ZCCHC14: variants seen among roughly 807,000 people sequenced by gnomAD.
The protein encoded by ZCCHC14 is zinc finger CCHC-type containing 14.
A neutral mutation model predicts 85.0 loss-of-function variants in ZCCHC14; 16 were observed. The ratio of observed to expected loss-of-function variants is 0.19; its 90% CI spans 0.13 to 0.29. The LOEUF is 0.29. Ranked by LOEUF, ZCCHC14 falls within the 10% of genes least tolerant of loss-of-function variation. ZCCHC14 has a pLI of 1.00. For synonymous variants in ZCCHC14, 775 were observed against 630.7 expected (o/e 1.23, Z -3.43); for missense variants, 1,303 against 1,443.5 (o/e 0.90, Z 1.58).
chr16:87,476,711 G>A (rs1289420435), intron 1 of ZCCHC14, among the ~76,000 whole-genome samples: 4 of 122,854 alleles, frequency 3.3e-5, no homozygotes, highest in Admixed American at 2.2e-4. Context: ...AGAACAGAGG[G>A]AGAAAGAGTT....
At chr16:87,459,075 C>T (rs1911122358) in intron 2 of ZCCHC14, among the ~76,000 whole-genome samples, 1 of 152,248 alleles carries the variant, frequency 6.6e-6, no homozygotes, top group South Asian at 2.1e-4. Context: ...ACGGCAGAGG[C>T]TGGCGTGCAG....
intron 3 of ZCCHC14, among the ~76,000 whole-genome samples, chr16:87,426,403 C>G (rs190047306): frequency 1.2e-3 from 188 of 152,354 alleles, no homozygotes; most frequent in Admixed American, 2.8e-3. Flanking sequence ...GGCACAGCAT[C>G]TTCTATCACG....
chr16:87,406,787 T>C lies in ZCCHC14; in HGVS notation c.*3493A>G, dbSNP rs1020114877. 6.6e-6 allele frequency: 1 copy of C among 152,234 alleles called. No individual in the cohort carries two copies. Among genetic ancestry groups the C allele is most frequent in the African/African-American group, 2.4e-5 (1 of 41,458 alleles). The allele number at this position is 152,234 out of a possible 1,614,324, so 9.4% of individuals were successfully genotyped here. ...ATTAAAGATGCTTTCATTCAGACCC[T>C]TGGGACTTTTCAACAAATTCGCCTC... is the stretch of plus-strand genomic sequence containing the variant. On this transcript the variant is annotated 3_prime_UTR_variant, in exon 13 of 13. Transcript: ENST00000671377.
chr16:87,407,145 C>G lies in ZCCHC14; in HGVS notation c.*3135G>C, dbSNP rs768109992. On this transcript the variant is annotated 3_prime_UTR_variant, in exon 13 of 13. Coordinates refer to ENST00000671377, the MANE Select transcript of ZCCHC14 (RefSeq NM_015144.3). ...GGGTGATGTTTAGGCAAAGTCACTACCCCGCCCCACTACTGTGCCCCAAGA... is the reference window on the plus strand; with the variant it reads ...GGGTGATGTTTAGGCAAAGTCACTAGCCCGCCCCACTACTGTGCCCCAAGA... The G allele has an allele frequency of 1.4e-4, 21 of 152,286 alleles. No individual in the cohort carries two copies. Among genetic ancestry groups the G allele is most frequent in the Non-Finnish European group, 2.8e-4 (19 of 68,102 alleles). 9.4% of individuals were successfully genotyped at this position (152,286 alleles called of 1,614,324 possible).
intron 1 of ZCCHC14, among the ~76,000 whole-genome samples, chr16:87,461,159 CACA>C (rs1384267385): frequency 1.3e-5 from 2 of 152,210 alleles, no homozygotes; most frequent in Non-Finnish European, 2.9e-5. Flanking sequence ...GCTCCCAACA[CACA>C]ACAAGCGCAG....
intron 10 of ZCCHC14, 98 bp from the exon 11 acceptor site, chr16:87,413,293 C>G: frequency 1.4e-6 from 2 of 1,414,526 alleles, no homozygotes; most frequent in Non-Finnish European, 1.9e-6. Flanking sequence ...GTGCTCCTTC[C>G]AGGGAAACGC....
intron 1 of ZCCHC14, among the ~76,000 whole-genome samples, chr16:87,466,348 C>T (rs1165163810): frequency 3.9e-5 from 6 of 152,178 alleles, no homozygotes; most frequent in Non-Finnish European, 5.9e-5. Context: ...GGAAGCACAG[C>T]CCCCCAACAC....
intron 1 of ZCCHC14, chr16:87,471,763 T>G (rs995991166): frequency 6.6e-6 from 1 of 152,248 alleles, no homozygotes; most frequent in Non-Finnish European, 1.5e-5. Context: ...CTAGGGAGGC[T>G]AAAGACATAC....
intron 2 of ZCCHC14, among the ~76,000 whole-genome samples, chr16:87,446,488 A>G (rs2150748246): frequency 6.6e-6 from 1 of 151,980 alleles, no homozygotes; most frequent in African/African-American, 2.4e-5. Flanking sequence ...CATCTCAAAA[A>G]AAAAAAAAAA....
intron 8 of ZCCHC14, among the ~76,000 whole-genome samples, chr16:87,415,815 G>C (rs925098640): frequency 6.6e-6 from 1 of 152,184 alleles, no homozygotes; most frequent in Non-Finnish European, 1.5e-5. Flanking sequence ...CCCTCCCCAG[G>C]ACGGCCCCAT....
At chr16:87,417,291 C>A (rs1461236744) in intron 8 of ZCCHC14, among the ~76,000 whole-genome samples, 169 bp downstream of exon 8, 2 of 152,214 alleles carry the variant, frequency 1.3e-5, no homozygotes, top group Non-Finnish European at 2.9e-5. Context: ...TGGCTGGCTG[C>A]AGCTGCAGGC....
rs1357278670 is a variant in ZCCHC14 at position 87,407,661 on chromosome 16, G to C, written c.*2619C>G. The C allele has an allele frequency of 6.6e-6, 1 of 152,174 alleles. No individual in the cohort carries two copies. The highest frequency in any genetic ancestry group is 1.5e-5 in the Non-Finnish European group (1 of 68,022). 9.4% of individuals were successfully genotyped at this position (152,174 alleles called of 1,614,324 possible). A position where few individuals can be genotyped will look rare whatever the true frequency, so the allele number is the denominator to read the frequency against. On this transcript the variant is annotated 3_prime_UTR_variant, in exon 13 of 13. Transcript: ENST00000671377. ...ACAAAGGGCAAAGACGTGGCACATG[G>C]CCAGTGCCACACCTACCTGGTTGCC...
intron 2 of ZCCHC14, among the ~76,000 whole-genome samples, chr16:87,459,395 A>C (rs1911143477): frequency 6.6e-6 from 1 of 150,700 alleles, no homozygotes; most frequent in Non-Finnish European, 1.5e-5. Flanking sequence ...CCCAGACTGG[A>C]GGGCAGTGGC....
chr16:87,415,199 A>C, intron 9 of ZCCHC14, 77 bp downstream of exon 9: 1 of 1,265,694 alleles, frequency 7.9e-7, no homozygotes. Flanking sequence ...AGTATTTAGC[A>C]CTGGAAGCCT....
At chr16:87,468,476 AGT>A (rs896907027) in intron 1 of ZCCHC14, among the ~76,000 whole-genome samples, 1 of 149,940 alleles carries the variant, frequency 6.7e-6, no homozygotes, top group African/African-American at 2.4e-5. Context: ...AAAAAAAAAA[AGT>A]GGTCCTCCAC....
In ZCCHC14 at chr16:87,412,194, T is replaced by C. The variant is rs199869225; in HGVS notation, c.2527A>G (p.Thr843Ala). Residue 843 changes from threonine to alanine, a missense_variant, in exon 12 of 13, where the codon ACT (threonine) becomes GCT (alanine). Around this residue, in one of 7 missense-constraint regions of ZCCHC14, gnomAD observed 797 missense variants for 730.8 expected, o/e 1.09. Transcript: ENST00000671377. ...LQGGFCANSN[T>A]ASPSSHPSTS... is the part of the protein sequence containing the mutation. ...GAGGGGTGGCTGCTGGGAGAGGCAG[T>C]GTTGCTGTTTGCACAGAAGCCACCC... 6.2e-7 allele frequency: 1 copy of C among 1,613,858 alleles called. No individual in the cohort carries two copies. The highest frequency in any genetic ancestry group is 1.7e-5 in the Admixed American group (1 of 60,006).
In ZCCHC14 at chr16:87,491,322, C is replaced by G. The variant is rs192819725; in HGVS notation, c.570+347G>C. Among the ~76,000 whole-genome samples, 313 of 152,274 alleles carry G rather than the reference C, an allele frequency of 2.1e-3. 1 individual carries two copies. Among genetic ancestry groups the G allele is most frequent in the Non-Finnish European group, 2.4e-4 (16 of 68,030 alleles). Reference sequence around the variant, plus strand: ...GGGGACTGAGGGTGTGGGCTCAGGGCCGCGGTGCGGTCTTGGGGCTTAAAG... The same window carrying G: ...GGGGACTGAGGGTGTGGGCTCAGGGGCGCGGTGCGGTCTTGGGGCTTAAAG... On this transcript the variant is annotated intron_variant, in intron 1 of 12. Coordinates refer to ENST00000671377, the MANE Select transcript of ZCCHC14 (RefSeq NM_015144.3). This position sits in a 1 kb window ranked among gnomAD's most constrained non-coding sequence, Gnocchi z 5.9.
At chr16:87,424,237 C>T (rs1909251497) in intron 3 of ZCCHC14, among the ~76,000 whole-genome samples, 1 of 152,180 alleles carries the variant, frequency 6.6e-6, no homozygotes, top group African/African-American at 2.4e-5. Flanking sequence ...GCCTATGTGC[C>T]TCAGATGCAA....
In ZCCHC14 at chr16:87,477,206, A is replaced by G. The variant is rs569418443; in HGVS notation, c.570+14463T>C. Among the ~76,000 whole-genome samples, 439 of 152,068 alleles carry G rather than the reference A, an allele frequency of 2.9e-3. 4 individuals carry two copies. Among genetic ancestry groups the G allele is most frequent in the Non-Finnish European group, 4.0e-3 (273 of 67,988 alleles). On this transcript the variant is annotated intron_variant, in intron 1 of 12. Coordinates refer to ENST00000671377, the MANE Select transcript of ZCCHC14 (RefSeq NM_015144.3). ...CAGATGACACACTTAAAATATGTGC[A>G]TTTCACTAAATGTAGGTTTTACCTT...
Sources: allele counts gnomAD v4.1 joint callset (sites outside exome capture counted in the v4.1 genomes callset), GRCh38; gene constraint gnomAD v4.1.1; regional missense constraint gnomAD v4.1.1; non-coding constraint Gnocchi (gnomAD v3.1); transcripts MANE v1.5; gene names NCBI Gene and HGNC (gene_info 2026-07-23, HGNC 2026-07-21).